The following FBXO10 variants were observed in gnomAD, a reference collection of about 807,000 sequenced individuals.
FBXO10 encodes F-box protein 10, also known as F-box only protein 10.
In FBXO10, 39 loss-of-function variants were observed where a neutral mutation model predicts 80.7. The observed-to-expected ratio is 0.48, with a 90% CI of 0.37 to 0.63. The LOEUF is 0.63. Among genes scored for constraint, FBXO10 ranks in the 30% least tolerant of loss-of-function variants. The pLI is 0.00. For synonymous variants in FBXO10, 449 were observed against 489.6 expected (o/e 0.92, Z 1.09); for missense variants, 1,025 against 1,269.0 (o/e 0.81, Z 2.92).
intron 1 of FBXO10, among the ~76,000 whole-genome samples, chr9:37,575,316 G>A (rs1453044667): frequency 6.6e-6 from 1 of 152,154 alleles, no homozygotes. Context: ...AAAAGAAAAG[G>A]TCTTACAAAC....
At position 37,532,141 on chromosome 9, in the gene FBXO10, C is replaced by T. The variant is rs112226012; in HGVS notation, c.1420-83G>A. On this transcript the variant is annotated intron_variant, in intron 3 of 10. Coordinates refer to ENST00000432825, the MANE Select transcript of FBXO10 (RefSeq NM_012166.3). The stretch of plus-strand genomic sequence containing the variant: ...ACTGGAGGAACACCTGAGTCTTTTC[C>T]GCACCACCTGATCCATGCAGTTTAC... 7.1e-5 allele frequency: 102 copies of T among 1,428,884 alleles called. No homozygotes were observed. In the African/African-American group the frequency reaches 1.1e-3, roughly 15 times the overall value. The allele number at this position is 1,428,884 out of a possible 1,614,324, so 88.5% of individuals were successfully genotyped here.
chr9:37,558,381 T>C (rs1822388672), intron 1 of FBXO10, among the ~76,000 whole-genome samples: 1 of 152,216 alleles, frequency 6.6e-6, no homozygotes, highest in Admixed American at 6.5e-5. Context: ...AATGCATCTC[T>C]GCTTCTCAAC....
intron 1 of FBXO10, among the ~76,000 whole-genome samples, chr9:37,560,958 C>T (rs1490292034): frequency 2.6e-5 from 4 of 151,988 alleles, no homozygotes; most frequent in Non-Finnish European, 2.9e-5. Context: ...CAGGCTAACA[C>T]GGTGAAACCC....
chr9:37,528,770 CA>C (rs1821541018), intron 5 of FBXO10, among the ~76,000 whole-genome samples: 2 of 152,210 alleles, frequency 1.3e-5, no homozygotes, highest in South Asian at 4.1e-4. Context: ...GTTGACACAG[CA>C]CCCCCAGGCA....
chr9:37,534,492 C>T (rs530682584), intron 3 of FBXO10, among the ~76,000 whole-genome samples: 19 of 152,328 alleles, frequency 1.2e-4, no homozygotes, highest in Middle Eastern at 3.4e-3. Flanking sequence ...TCCAAGGAGA[C>T]GAGGCCTGAG....
chr9:37,526,449 TA>T (rs1477915352), intron 5 of FBXO10, among the ~76,000 whole-genome samples: 2 of 152,186 alleles, frequency 1.3e-5, no homozygotes, highest in African/African-American at 4.8e-5. Flanking sequence ...AACACTGATC[TA>T]ATTATGATAT....
chr9:37,529,553 G>A (rs1821563658), intron 4 of FBXO10, among the ~76,000 whole-genome samples: 1 of 152,208 alleles, frequency 6.6e-6, no homozygotes, highest in Non-Finnish European at 1.5e-5. Context: ...GAAAGTTTCA[G>A]AGCCTCTAAT....
intron 1 of FBXO10, among the ~76,000 whole-genome samples, chr9:37,568,261 G>T (rs923716004): frequency 6.6e-6 from 1 of 152,002 alleles, no homozygotes; most frequent in Admixed American, 6.6e-5. Context: ...ACAATGGCGC[G>T]ATCTTGGCTC....
intron 1 of FBXO10, among the ~76,000 whole-genome samples, chr9:37,570,136 C>G (rs546711373): frequency 6.6e-6 from 1 of 151,968 alleles, no homozygotes; most frequent in Non-Finnish European, 1.5e-5. Flanking sequence ...ATGGTAAAAC[C>G]CTGTCTCTAC....
chr9:37,534,890 TG>T (rs1425046814), intron 3 of FBXO10, among the ~76,000 whole-genome samples: 2 of 152,128 alleles, frequency 1.3e-5, no homozygotes, highest in African/African-American at 4.8e-5. Flanking sequence ...CCCCTAGTGC[TG>T]GGGGTAGAGC....
At position 37,537,743 on chromosome 9, in the gene FBXO10, T is replaced by C. The variant is rs1174125267; in HGVS notation, c.786A>G (p.Pro262=). 5.0e-6 allele frequency: 8 copies of C among 1,613,916 alleles called. No individual in the cohort carries two copies. The South Asian group carries it at 8.8e-5, about 18-fold the overall frequency. The part of the protein sequence containing the change: ...ENNSVTVEGH[P]SADKNWAYKY... Reference sequence around the variant, plus strand: ...TGTAGGCCCAGTTCTTATCTGCAGATGGGTGACCCTCAACAGTCACAGAGT... The same window carrying C: ...TGTAGGCCCAGTTCTTATCTGCAGACGGGTGACCCTCAACAGTCACAGAGT... Residue 262 remains proline (P), a synonymous_variant, in exon 3 of 11, where the codon CCA becomes CCG. Transcript: ENST00000432825.
At chr9:37,570,934 C>T (rs372500081) in intron 1 of FBXO10, among the ~76,000 whole-genome samples, 21 of 149,858 alleles carry the variant, frequency 1.4e-4, no homozygotes, top group African/African-American at 5.2e-4. Context: ...GCGGAGGTTG[C>T]AGTGAGCTGA....
At position 37,519,765 on chromosome 9, in the gene FBXO10, C is replaced by G. The variant is rs565042923; in HGVS notation, c.2201-1327G>C. On this transcript the variant is annotated intron_variant, in intron 8 of 10. Transcript: ENST00000432825. Reference sequence around the variant, plus strand: ...TTGGGGCTGCTGGTTATCCATCTCCCTGTCCTCTACCACTACCAGAAGCAA... The same window carrying G: ...TTGGGGCTGCTGGTTATCCATCTCCGTGTCCTCTACCACTACCAGAAGCAA... Among the ~76,000 whole-genome samples, 4 of 152,334 alleles carry G rather than the reference C, an allele frequency of 2.6e-5. No individual in the cohort carries two copies. In the East Asian group the frequency reaches 7.7e-4, roughly 29 times the overall value.
At chr9:37,529,704 T>C (rs1174104003) in intron 4 of FBXO10, among the ~76,000 whole-genome samples, 1 of 152,056 alleles carries the variant, frequency 6.6e-6, no homozygotes, top group Non-Finnish European at 1.5e-5. Flanking sequence ...CAGAGAGGGG[T>C]CACAGTTGTT....
intron 1 of FBXO10, among the ~76,000 whole-genome samples, chr9:37,567,777 G>A (rs10121547): frequency 0.042 from 6,308 of 151,996 alleles, 439 homozygotes; most frequent in African/African-American, 0.14. Flanking sequence ...TGATCTGTCC[G>A]CCTCGGCCTC....
chr9:37,569,357 G>A (rs1272847514), intron 1 of FBXO10, among the ~76,000 whole-genome samples: 6 of 141,018 alleles, frequency 4.3e-5, no homozygotes, highest in Middle Eastern at 3.9e-3. Flanking sequence ...CTTTATATTT[G>A]TATATGCACC....
intron 1 of FBXO10, among the ~76,000 whole-genome samples, chr9:37,574,196 G>A (rs1378480772): frequency 6.6e-6 from 1 of 152,074 alleles, no homozygotes; most frequent in Non-Finnish European, 1.5e-5. Flanking sequence ...GGTCCCTAAG[G>A]CCAGAGTCTA....
In FBXO10 at chr9:37,512,488, T is replaced by C. The variant is rs1027787543; in HGVS notation, c.*59A>G. 11 of 1,561,274 alleles carry C rather than the reference T, an allele frequency of 7.0e-6. No homozygotes were observed. The African/African-American group carries it at 1.5e-4, about 21-fold the overall frequency. On this transcript the variant is annotated 3_prime_UTR_variant, in exon 11 of 11. Coordinates refer to ENST00000432825, the MANE Select transcript of FBXO10 (RefSeq NM_012166.3). ...GGGGCGGAGTCTTTTCAGGCAGTAT[T>C]TCCACCTTAGCTCCTCTGAGCACCC...
rs1193859823 is a variant in FBXO10 at position 37,521,683 on chromosome 9, T to C, written c.2086A>G (p.Ser696Gly). 6.2e-7 allele frequency: 1 copy of C among 1,614,014 alleles called. No homozygotes were observed. The highest frequency in any genetic ancestry group is 8.5e-7 in the Non-Finnish European group (1 of 1,179,890). The stretch of plus-strand genomic sequence containing the variant: ...CAGAGGATGGCGTCCCCATCCTCGC[T>C]GAAGTTCTCTTGAGCCCTGTGGCCT... ...PRGHRAQENF[S>G]EDGDAILWET... The change falls in exon 8 of 11, where the codon AGC becomes GGC. Residue 696 changes from serine (S) to glycine (G), a missense_variant. Transcript: ENST00000432825.
Sources: allele counts gnomAD v4.1 joint callset (sites outside exome capture counted in the v4.1 genomes callset), GRCh38; gene constraint gnomAD v4.1.1; transcripts MANE v1.5; gene names NCBI Gene and HGNC (gene_info 2026-07-23, HGNC 2026-07-21).